The following ABHD2 variants were observed in gnomAD, a reference collection of about 807,000 sequenced individuals.
The protein encoded by ABHD2 is monoacylglycerol lipase ABHD2.
Under a neutral mutation model 48.1 loss-of-function variants are expected in ABHD2, and 20 were observed. That is an observed-to-expected ratio of 0.42 (90% CI 0.29 to 0.60). The LOEUF (loss-of-function observed/expected upper bound fraction) is 0.60, where lower values mean the gene tolerates loss of function less well. Among genes scored for constraint, ABHD2 ranks in the 20% least tolerant of loss-of-function variants. The pLI, the probability that ABHD2 is intolerant of heterozygous loss-of-function variation, is 0.24. For missense variants in ABHD2, 405 were observed against 550.9 expected (o/e 0.74, Z 2.65); for synonymous variants, 209 against 214.2 (o/e 0.98, Z 0.21).
chr15:89,194,304 GC>G (rs2051357381), intron 10 of ABHD2, among the ~76,000 whole-genome samples: 1 of 151,906 alleles, frequency 6.6e-6, no homozygotes, highest in Admixed American at 6.6e-5. Flanking sequence ...TTTGAGATCA[GC>G]CTGGCCAACA....
chr15:89,042,696 G>T, the ABHD2 span, among the ~76,000 whole-genome samples: 1 of 151,006 alleles, frequency 6.6e-6, no homozygotes. Flanking sequence ...GCCCAGACTG[G>T]AGTACAGTGG....
chr15:89,116,163 A>G lies in ABHD2; in HGVS notation c.-6-159A>G, dbSNP rs1299041250. Among the ~76,000 whole-genome samples the G allele has an allele frequency of 6.6e-6, 1 of 152,230 alleles. No homozygotes were observed. Among genetic ancestry groups the G allele is most frequent in the Non-Finnish European group, 1.5e-5 (1 of 68,028 alleles). ...TGGCCAGTTGATTAGTAGCTGTAAG[A>G]TGCTGGTGGTGTCTGCCTGTCAGGA... is the stretch of plus-strand genomic sequence containing the variant. On this transcript the variant is annotated intron_variant, in intron 2 of 10. Transcript: ENST00000352732. This position sits in a 1 kb window ranked among gnomAD's most constrained non-coding sequence, Gnocchi z 4.6.
rs2150961443 is a variant in ABHD2 at position 89,197,978 on chromosome 15, C to T, written c.*2555C>T. 6.6e-6 allele frequency: 1 copy of T among 152,236 alleles called. No homozygotes were observed. The highest frequency in any genetic ancestry group is 1.5e-5 in the Non-Finnish European group (1 of 68,014). 9.4% of individuals were successfully genotyped at this position (152,236 alleles called of 1,614,324 possible). ...GTCTTACAGGAAAATTCTTGTTTGTCCCTGAATGAGAGCACAGAGGCATTG... is the reference window on the plus strand; with the variant it reads ...GTCTTACAGGAAAATTCTTGTTTGTTCCTGAATGAGAGCACAGAGGCATTG... On this transcript the variant is annotated 3_prime_UTR_variant, in exon 11 of 11. Coordinates refer to ENST00000352732, the MANE Select transcript of ABHD2 (RefSeq NM_152924.5). This position sits in a 1 kb window ranked among gnomAD's most constrained non-coding sequence, Gnocchi z 4.4.
intron 3 of ABHD2, among the ~76,000 whole-genome samples, chr15:89,134,363 C>T (rs538601681): frequency 6.6e-5 from 10 of 152,148 alleles, no homozygotes; most frequent in South Asian, 2.1e-4. Flanking sequence ...TTTTTCAAGA[C>T]GGCTACACTT....
At chr15:89,042,879 G>A in the ABHD2 span, among the ~76,000 whole-genome samples, 1 of 151,746 alleles carries the variant, frequency 6.6e-6, no homozygotes, top group Non-Finnish European at 1.5e-5. Flanking sequence ...TGTTGGCCAG[G>A]CTGGCCTCAA....
rs1294407215 is a variant in ABHD2, at chr15:89,155,606, T to C, written c.538+72T>C. On this transcript the variant is annotated intron_variant, in intron 5 of 10. Coordinates refer to ENST00000352732, the MANE Select transcript of ABHD2 (RefSeq NM_152924.5). This position sits in a 1 kb window ranked among gnomAD's most constrained non-coding sequence, Gnocchi z 4.9. ...CTACTTCTGCTTCTGCCTTGTTTTTTCTTTTTTTAAGTTTTAAACCTATGC... is the reference window on the plus strand; with the variant it reads ...CTACTTCTGCTTCTGCCTTGTTTTTCCTTTTTTTAAGTTTTAAACCTATGC... The C allele has an allele frequency of 6.5e-7, 1 of 1,547,516 alleles. No homozygotes were observed. The highest frequency in any genetic ancestry group is 8.7e-7 in the Non-Finnish European group (1 of 1,144,702).
the ABHD2 span, among the ~76,000 whole-genome samples, chr15:89,062,832 G>T: frequency 2.8e-4 from 42 of 152,188 alleles, 1 homozygote; most frequent in African/African-American, 9.4e-4. Context: ...CGCTAAAGCC[G>T]GCCTGTCTCA....
At chr15:89,050,952 G>T in the ABHD2 span, among the ~76,000 whole-genome samples, 3 of 152,100 alleles carry the variant, frequency 2.0e-5, no homozygotes, top group Admixed American at 2.0e-4. Context: ...AAAAAAATAG[G>T]CCAGGCACAG....
At chr15:89,043,454 G>GAGGAGAAGGAGA in the ABHD2 span, among the ~76,000 whole-genome samples, 26,247 of 143,764 alleles carry the variant, frequency 0.18, 2,564 homozygotes, top group Non-Finnish European at 0.2. Context: ...GAAGGAGGAG[G>GAGGAGAAGGAGA]AGGAGAAGGA....
At chr15:89,131,418 C>CTG (rs1171539879) in intron 3 of ABHD2, among the ~76,000 whole-genome samples, 1 of 152,204 alleles carries the variant, frequency 6.6e-6, no homozygotes, top group Non-Finnish European at 1.5e-5. Context: ...GTTCTCTTCT[C>CTG]TGTTGTCTGA....
In ABHD2 at chr15:89,092,362, A is replaced by T. The variant is rs936846358; in HGVS notation, c.-107+3799A>T. On this transcript the variant is annotated intron_variant, in intron 1 of 10. Coordinates refer to ENST00000352732, the MANE Select transcript of ABHD2 (RefSeq NM_152924.5). This position sits in a 1 kb window ranked among gnomAD's most constrained non-coding sequence, Gnocchi z 4.4. ...CTTTAAGTGGAGGTTCATTAAGTTC[A>T]ACAAATTAAGCATCTGGTGTGTGCC... is the stretch of plus-strand genomic sequence containing the variant. 1.3e-5 allele frequency among the ~76,000 whole-genome samples: 2 copies of T among 152,216 alleles called. No homozygotes were observed. The highest frequency in any genetic ancestry group is 4.8e-5 in the African/African-American group (2 of 41,456).
At chr15:89,140,341 CT>C (rs1487606481) in intron 3 of ABHD2, among the ~76,000 whole-genome samples, 1 of 152,198 alleles carries the variant, frequency 6.6e-6, no homozygotes, top group East Asian at 1.9e-4. Flanking sequence ...CAGGCAAATA[CT>C]GGAGGTGGCT....
the ABHD2 span, among the ~76,000 whole-genome samples, chr15:89,068,086 C>T: frequency 1.3e-5 from 2 of 152,212 alleles, no homozygotes; most frequent in Admixed American, 6.5e-5. Context: ...CCCTACAGGA[C>T]TTCTACCCCT....
chr15:89,191,449 G>C (rs1028532011), intron 9 of ABHD2, among the ~76,000 whole-genome samples: 2 of 151,990 alleles, frequency 1.3e-5, no homozygotes, highest in Non-Finnish European at 2.9e-5. Context: ...TCTGGTTTCT[G>C]CCAGATCAGT....
chr15:89,043,372 G>A, the ABHD2 span, among the ~76,000 whole-genome samples: 1 of 152,162 alleles, frequency 6.6e-6, no homozygotes, highest in East Asian at 1.9e-4. Flanking sequence ...GTTAGGGTGA[G>A]CTATCTTTGT....
chr15:89,055,202 A>G, the ABHD2 span, among the ~76,000 whole-genome samples: 1 of 151,776 alleles, frequency 6.6e-6, no homozygotes, highest in Middle Eastern at 3.2e-3. Context: ...AGTCCAAAAA[A>G]CTTTTTTTTT....
At chr15:89,086,932 G>T (rs1460718331), upstream of ABHD2, 2 of 152,000 alleles carry the variant, frequency 1.3e-5, no homozygotes, top group Admixed American at 1.3e-4. Context: ...ACACTGAGAT[G>T]AAACCTTTTT....
Position 89,164,651 on chromosome 15 carries a change from G to A in ABHD2, c.538+9117G>A, listed in dbSNP as rs1246976334. Among the ~76,000 whole-genome samples, 1 of 151,974 alleles carries A rather than the reference G, an allele frequency of 6.6e-6. No homozygotes were observed. Among genetic ancestry groups the A allele is most frequent in the African/African-American group, 2.4e-5 (1 of 41,362 alleles). ...AAAAATGAAAAAAGCCAGGTGTGAT[G>A]ATACACACCTGTAATCTCAGCTACC... On this transcript the variant is annotated intron_variant, in intron 5 of 10. Coordinates refer to ENST00000352732, the MANE Select transcript of ABHD2 (RefSeq NM_152924.5). This position sits in a 1 kb window ranked among gnomAD's most constrained non-coding sequence, Gnocchi z 5.0.
Position 89,179,518 on chromosome 15 carries a change from T to C in ABHD2, c.722+3523T>C, listed in dbSNP as rs143102147. 6.0e-3 allele frequency among the ~76,000 whole-genome samples: 910 copies of C among 152,306 alleles called. 8 individuals carry two copies. Among genetic ancestry groups the C allele is most frequent in the African/African-American group, 0.021 (862 of 41,568 alleles). The stretch of plus-strand genomic sequence containing the variant: ...GTCGCTGTCTCCCATCACCCCCAGA[T>C]GGGACTGTCTAGTTGCAGGAAAATA... On this transcript the variant is annotated intron_variant, in intron 6 of 10. Coordinates refer to ENST00000352732, the MANE Select transcript of ABHD2 (RefSeq NM_152924.5). The surrounding 1 kb of genome is among the most constrained non-coding windows in gnomAD (Gnocchi z 4.3).
Sources: allele counts gnomAD v4.1 joint callset (sites outside exome capture counted in the v4.1 genomes callset), GRCh38; gene constraint gnomAD v4.1.1; non-coding constraint Gnocchi (gnomAD v3.1); transcripts MANE v1.5; gene names NCBI Gene and HGNC (gene_info 2026-07-23, HGNC 2026-07-21).